Variants in ELOF1 observed in about 807,000 individuals in gnomAD.
The protein encoded by ELOF1 is elongation factor 1, also known as transcription elongation factor 1 homolog.
In ELOF1, 4 loss-of-function variants were observed where a neutral mutation model predicts 7.1. That is an observed-to-expected ratio of 0.56 (90% confidence interval 0.28 to 1.29). The LOEUF (loss-of-function observed/expected upper bound fraction) is 1.29. Ranked by LOEUF, ELOF1 falls within the 50% of genes most tolerant of loss-of-function variation. The pLI, the probability that ELOF1 is intolerant of heterozygous loss-of-function variation, is 0.10. For synonymous variants in ELOF1, 31 were observed against 31.9 expected, an observed-to-expected ratio of 0.97 and a Z score of 0.09; for missense variants, 59 against 86.3, an observed-to-expected ratio of 0.68 and a Z score of 1.25.
chr19:11,553,604 CACA>C, intron 3 of ELOF1: 2 of 650,586 alleles, frequency 3.1e-6, no homozygotes, highest in East Asian at 2.9e-5. Flanking sequence ...CACACACACA[CACA>C]CACACACACA....
chr19:11,555,238 C>T (rs548444373), intron 1 of ELOF1: 1 of 134,576 alleles, frequency 7.4e-6, no homozygotes, highest in South Asian at 1.3e-4. Context: ...GCCTGGGCAA[C>T]AGAGCAAGAC....
At chr19:11,553,138 G>A (rs778731994) in intron 3 of ELOF1, 5 of 401,128 alleles carry the variant, frequency 1.2e-5, no homozygotes, top group East Asian at 3.6e-5. Flanking sequence ...AACATGAAAC[G>A]GGCTTCCTGG....
At position 11,556,210 on chromosome 19, in the gene ELOF1, C is replaced by T. The variant is rs572038719; in HGVS notation, c.-18-1845G>A. On this transcript the variant is annotated intron_variant, in intron 1 of 3. Transcript: ENST00000586683. ...TGGTTCTAGCATCGTTCCACTGTGACGGGGAGGTCAGCAGCCTGCCAGTGT... is the reference window on the plus strand; with the variant it reads ...TGGTTCTAGCATCGTTCCACTGTGATGGGGAGGTCAGCAGCCTGCCAGTGT... 8.5e-5 allele frequency among the ~76,000 whole-genome samples: 13 copies of T among 152,266 alleles called. No individual in the cohort carries two copies. The South Asian group carries it at 2.3e-3, about 27-fold the overall frequency.
In ELOF1 at chr19:11,554,384, G is replaced by A. The variant is rs1375371085; in HGVS notation, c.-18-19C>T. ...GATGAGCCTGTGGGGAGTGGCAGAT[G>A]TCAGTGGTTTGAGGAAACCACGCAG... On this transcript the variant is annotated intron_variant, in intron 1 of 3. Transcript: ENST00000586683. 1.2e-6 allele frequency: 2 copies of A among 1,608,816 alleles called. No individual in the cohort carries two copies. Among genetic ancestry groups the A allele is most frequent in the Non-Finnish European group, 1.7e-6 (2 of 1,176,374 alleles).
chr19:11,554,035 C>T, exon 3 of ELOF1: 1 of 1,614,198 alleles, frequency 6.2e-7, no homozygotes, highest in Non-Finnish European at 8.5e-7. Context: ...TGGAATTCCT[C>T]TAGGCACACG....
chr19:11,553,540 A>C lies in ELOF1; in HGVS notation c.187+471T>G, dbSNP rs182003556. On this transcript the variant is annotated intron_variant, in intron 3 of 3. Coordinates refer to ENST00000586683, the Ensembl canonical transcript of ELOF1. ...ACCCCAGTGACACGTGCAGCCACAC[A>C]CACCCACACTCACTCACACCCACAC... The C allele has an allele frequency of 2.3e-4, 147 of 643,310 alleles. No homozygotes were observed. The Admixed American group carries it at 2.3e-3, about 10-fold the overall frequency. 39.9% of individuals were successfully genotyped at this position (643,310 alleles called of 1,614,324 possible). A position where few individuals can be genotyped will look rare whatever the true frequency, so the allele number is the denominator to read the frequency against.
At chr19:11,553,324 G>T (rs773466266) in intron 3 of ELOF1, 7 of 444,006 alleles carry the variant, frequency 1.6e-5, no homozygotes, top group Admixed American at 3.7e-5. Context: ...AGCCTCTAGT[G>T]GGCTTCCCTT....
chr19:11,556,012 G>A (rs1972828502), intron 1 of ELOF1, among the ~76,000 whole-genome samples: 1 of 152,116 alleles, frequency 6.6e-6, no homozygotes, highest in Admixed American at 6.6e-5. Flanking sequence ...AAATGATGGG[G>A]TTGGGTGGCA....
chr19:11,557,760 G>A (rs1972854626), intron 1 of ELOF1, among the ~76,000 whole-genome samples: 1 of 151,816 alleles, frequency 6.6e-6, no homozygotes, highest in Admixed American at 6.6e-5. Context: ...AGGCATGGTG[G>A]TGCACGCCTG....
At chr19:11,554,119 G>C in intron 2 of ELOF1, 38 bp from the exon 3 acceptor site, 1 of 1,614,154 alleles carries the variant, frequency 6.2e-7, no homozygotes, top group Non-Finnish European at 8.5e-7. Context: ...TGAGCAATGC[G>C]TCCTGGGCCT....
At chr19:11,554,140 A>T in intron 2 of ELOF1, 59 bp from the exon 3 acceptor site, 2 of 1,613,780 alleles carry the variant, frequency 1.2e-6, no homozygotes, top group Non-Finnish European at 1.7e-6. Flanking sequence ...GTGGGTGATG[A>T]CGCCTTCACC....
At chr19:11,553,832 C>T (rs545207521) in intron 3 of ELOF1, 22 bp from the exon 4 acceptor site, 8 of 1,614,160 alleles carry the variant, frequency 5.0e-6, no homozygotes, top group African/African-American at 2.7e-5. Context: ...AGGTCAAGGG[C>T]GATCATTGGC....
chr19:11,558,839 T>C (rs945332437), intron 1 of ELOF1: 3 of 151,866 alleles, frequency 2.0e-5, no homozygotes, highest in African/African-American at 7.3e-5. Flanking sequence ...GCACAAGGAA[T>C]GCAGAGGCCT....
chr19:11,553,729 G>A (rs765182648), intron 3 of ELOF1: 23 of 1,614,090 alleles, frequency 1.4e-5, no homozygotes, highest in African/African-American at 2.7e-5. Context: ...TGCTCAGGGG[G>A]CGGGTCCTCT....
intron 3 of ELOF1, chr19:11,553,059 CTTTA>C (rs756639865): frequency 1.5e-5 from 6 of 399,330 alleles, no homozygotes; most frequent in Admixed American, 1.3e-4. Flanking sequence ...GCGCTGGCTG[CTTTA>C]TTTAAGGGCT....
At chr19:11,557,776 C>G (rs1009195485) in intron 1 of ELOF1, among the ~76,000 whole-genome samples, 26 of 151,678 alleles carry the variant, frequency 1.7e-4, no homozygotes, top group Admixed American at 1.6e-3. Context: ...GCCTGTAATC[C>G]CAGCTACTCG....
Position 11,554,485 on chromosome 19 carries a change from C to T in ELOF1, c.-18-120G>A, listed in dbSNP as rs1972798443. ...TGCACCGTGGTCCCGGGGCCTCTGC[C>T]CTTGAGGGACGAGGCCCTCAGTCCT... On this transcript the variant is annotated intron_variant, in intron 1 of 3. Coordinates refer to ENST00000586683, the Ensembl canonical transcript of ELOF1. The T allele has an allele frequency of 4.3e-6, 6 of 1,405,648 alleles. No individual in the cohort carries two copies. In the South Asian group the frequency reaches 7.3e-5, roughly 17 times the overall value. 87.1% of individuals were successfully genotyped at this position (1,405,648 alleles called of 1,614,324 possible).
At position 11,554,142 on chromosome 19, in the gene ELOF1, G is replaced by A. The variant is rs910288369; in HGVS notation, c.117-61C>T. On this transcript the variant is annotated intron_variant, in intron 2 of 3. Coordinates refer to ENST00000586683, the Ensembl canonical transcript of ELOF1. ...GCGTCCTGGGCCTGTGGGTGATGAC[G>A]CCTTCACCAAGGGAGGCAAGGGGCA... is the stretch of plus-strand genomic sequence containing the variant. 1.4e-4 allele frequency: 221 copies of A among 1,614,042 alleles called. No homozygotes were observed. The East Asian group carries it at 1.7e-3, about 12-fold the overall frequency.
At position 11,554,814 on chromosome 19, in the gene ELOF1, G is replaced by A. The variant is rs928213214; in HGVS notation, c.-18-449C>T. 8 of 165,536 alleles carry A rather than the reference G, an allele frequency of 4.8e-5. No homozygotes were observed. In the South Asian group the frequency reaches 1.3e-3, roughly 27 times the overall value. 10.3% of individuals were successfully genotyped at this position (165,536 alleles called of 1,614,324 possible). A position where few individuals can be genotyped will look rare whatever the true frequency, so the allele number is the denominator to read the frequency against. ...TTAAAAATTAGCCAGGCATGGTGGT[G>A]CAGGCCTGTAGTCCCAGCTACTTGG... is the stretch of plus-strand genomic sequence containing the variant. On this transcript the variant is annotated intron_variant, in intron 1 of 3. Coordinates refer to ENST00000586683, the Ensembl canonical transcript of ELOF1.
Sources: allele counts gnomAD v4.1 joint callset (sites outside exome capture counted in the v4.1 genomes callset), GRCh38; gene constraint gnomAD v4.1.1; transcripts MANE v1.5; gene names NCBI Gene and HGNC (gene_info 2026-07-23, HGNC 2026-07-21).